ATP8A2: variants seen among roughly 807,000 people sequenced by gnomAD.
ATP8A2 encodes ATPase phospholipid transporting 8A2.
ATP8A2 carries 100 observed loss-of-function variants against 165.6 expected under a neutral mutation model. The observed-to-expected ratio is 0.60, with a 90% CI of 0.51 to 0.71. The LOEUF (loss-of-function observed/expected upper bound fraction) is 0.71, where lower values mean the gene tolerates loss of function less well. Among genes scored for constraint, ATP8A2 ranks in the 30% least tolerant of loss-of-function variants. The probability of loss-of-function intolerance (pLI) is 0.00; values close to 1 mark genes in which losing one functional copy is unlikely to be tolerated. For synonymous variants in ATP8A2, 543 were observed against 548.8 expected, an observed-to-expected ratio of 0.99 and a Z score of 0.15; for missense variants, 1,227 against 1,479.5, an observed-to-expected ratio of 0.83 and a Z score of 2.80.
At chr13:25,536,848 C>T (rs1347641704) in intron 6 of ATP8A2, among the ~76,000 whole-genome samples, 3 of 152,176 alleles carry the variant, frequency 2.0e-5, no homozygotes, top group East Asian at 1.9e-4. Flanking sequence ...TTTATATGGA[C>T]CTGTTTTATG....
chr13:25,542,242 A>G (rs1037260251), intron 9 of ATP8A2, among the ~76,000 whole-genome samples, 196 bp downstream of exon 9: 4 of 152,192 alleles, frequency 2.6e-5, no homozygotes, highest in African/African-American at 9.6e-5. Context: ...GGCTCAAAGC[A>G]TGTGGCATAT....
At chr13:25,907,690 A>G (rs1475756696) in intron 33 of ATP8A2, among the ~76,000 whole-genome samples, 2 of 151,972 alleles carry the variant, frequency 1.3e-5, no homozygotes, top group African/African-American at 4.8e-5. Flanking sequence ...CCTGTTGAAG[A>G]TTTTCTTTTT....
chr13:25,613,357 CG>C (rs1565980242), intron 24 of ATP8A2, among the ~76,000 whole-genome samples: 1 of 151,970 alleles, frequency 6.6e-6, no homozygotes, highest in Non-Finnish European at 1.5e-5. Flanking sequence ...CCAAGGCAGG[CG>C]GGGTCAAGAG....
rs370986249 is a variant in ATP8A2, at chr13:25,388,253, T to A, written c.76+15965T>A. Among the ~76,000 whole-genome samples the A allele has an allele frequency of 2.0e-5, 3 of 152,042 alleles. No homozygotes were observed. In the East Asian group the frequency reaches 5.8e-4, roughly 29 times the overall value. Reference sequence around the variant, plus strand: ...AAGTGAAAAGAAGAAAGCTGGCTCCTGGGGGAGAAGTCAAGGACACTTCAG... The same window carrying A: ...AAGTGAAAAGAAGAAAGCTGGCTCCAGGGGGAGAAGTCAAGGACACTTCAG... On this transcript the variant is annotated intron_variant, in intron 1 of 36. Transcript: ENST00000381655.
Position 25,730,263 on chromosome 13 carries a change from G to A in ATP8A2, c.2384+30918G>A, listed in dbSNP as rs950520160. 4.6e-5 allele frequency among the ~76,000 whole-genome samples: 7 copies of A among 152,234 alleles called. 1 individual carries two copies. In the South Asian group the frequency reaches 6.2e-4, roughly 14 times the overall value. ...GCCGTGATCATGCCACTGCACTCCC[G>A]CCTGAGTGACAGAGTGAGACCCTGT... On this transcript the variant is annotated intron_variant, in intron 25 of 36. Coordinates refer to ENST00000381655, the MANE Select transcript of ATP8A2 (RefSeq NM_016529.6).
intron 27 of ATP8A2, among the ~76,000 whole-genome samples, chr13:25,780,194 T>C (rs907312725): frequency 3.3e-4 from 51 of 152,316 alleles, no homozygotes; most frequent in African/African-American, 1.2e-3. Flanking sequence ...TAAACTTTGG[T>C]ATAACATAAG....
chr13:25,976,265 T>G (rs1956033977), intron 35 of ATP8A2, among the ~76,000 whole-genome samples: 1 of 152,122 alleles, frequency 6.6e-6, no homozygotes, highest in Admixed American at 6.5e-5. Flanking sequence ...GACTTATTCA[T>G]TATGCTCCAC....
rs150177138 is a variant in ATP8A2 at position 25,465,891 on chromosome 13, T to C, written c.77-3086T>C. The stretch of plus-strand genomic sequence containing the variant: ...CTTCCCAACTTGGCCTCCCAAAGTG[T>C]TGGGATTACAGGCATGAGCCACCAT... On this transcript the variant is annotated intron_variant, in intron 1 of 36. Coordinates refer to ENST00000381655, the MANE Select transcript of ATP8A2 (RefSeq NM_016529.6). Among the ~76,000 whole-genome samples, 948 of 151,020 alleles carry C rather than the reference T, an allele frequency of 6.3e-3. 11 individuals carry two copies. Among genetic ancestry groups the C allele is most frequent in the African/African-American group, 0.022 (899 of 41,136 alleles).
chr13:25,378,702 T>C (rs889382072), intron 1 of ATP8A2, among the ~76,000 whole-genome samples: 1 of 152,172 alleles, frequency 6.6e-6, no homozygotes, highest in African/African-American at 2.4e-5. Flanking sequence ...AAGCACCTCC[T>C]CCACATATTC....
rs201142677 is a variant in ATP8A2 at position 25,574,849 on chromosome 13, A to G, written c.1704A>G (p.Glu568=). 698 of 1,537,108 alleles carry G rather than the reference A, an allele frequency of 4.5e-4. 4 individuals carry two copies. In the African/African-American group the frequency reaches 8.6e-3, roughly 19 times the overall value. ...CATTCGGAATCCTTAATGTCCTGGA[A>G]TTTTCTAGGTATGTTTCTCTTTCAT... ...EQTFGILNVL[E]FSSDRKRMSV... The change falls in exon 19 of 37, where the codon GAA becomes GAG. Residue 568 remains glutamate (E), a synonymous_variant. Transcript: ENST00000381655.
chr13:25,551,873 C>A (rs557710190), intron 11 of ATP8A2, among the ~76,000 whole-genome samples: 1 of 151,970 alleles, frequency 6.6e-6, no homozygotes, highest in African/African-American at 2.4e-5. Flanking sequence ...CTGCTTGGTG[C>A]TGTCATTGTT....
At chr13:25,941,688 A>T (rs1955077118) in intron 33 of ATP8A2, among the ~76,000 whole-genome samples, 1 of 152,126 alleles carries the variant, frequency 6.6e-6, no homozygotes, top group Non-Finnish European at 1.5e-5. Flanking sequence ...AACTGTGGTG[A>T]CTTCATGCCT....
At chr13:25,489,337 AG>A (rs1236669875) in intron 2 of ATP8A2, among the ~76,000 whole-genome samples, 2 of 151,936 alleles carry the variant, frequency 1.3e-5, no homozygotes, top group Admixed American at 6.6e-5. Context: ...AATCTACTCA[AG>A]TTCGTCCTCC....
intron 24 of ATP8A2, among the ~76,000 whole-genome samples, chr13:25,599,799 T>G (rs942714442): frequency 3.9e-5 from 6 of 152,222 alleles, no homozygotes; most frequent in African/African-American, 1.4e-4. Context: ...CTTCAGTAGC[T>G]ATTTTGGTCC....
chr13:25,953,651 C>A lies in ATP8A2; in HGVS notation c.3184-7924C>A, dbSNP rs556691642. 1.2e-4 allele frequency among the ~76,000 whole-genome samples: 18 copies of A among 151,630 alleles called. No homozygotes were observed. Among genetic ancestry groups the A allele is most frequent in the Non-Finnish European group, 1.9e-4 (13 of 67,928 alleles). On this transcript the variant is annotated intron_variant, in intron 33 of 36. Transcript: ENST00000381655. The surrounding 1 kb of genome is among the most constrained non-coding windows in gnomAD (Gnocchi z 6.7). ...GATTTCTGCATTTCCAGCTGAGGAA[C>A]CTGGTTCATCTCACTGGGACTGGTT...
intron 1 of ATP8A2, among the ~76,000 whole-genome samples, chr13:25,407,282 T>C (rs558090193): frequency 6.6e-6 from 1 of 152,364 alleles, no homozygotes; most frequent in African/African-American, 2.4e-5. Context: ...ATCATTTGGC[T>C]TCTTTCCCAG....
At chr13:25,648,347 T>G (rs1268011083) in intron 24 of ATP8A2, among the ~76,000 whole-genome samples, 1 of 152,164 alleles carries the variant, frequency 6.6e-6, no homozygotes, top group Non-Finnish European at 1.5e-5. Flanking sequence ...TACCAAAATC[T>G]GCAGATGCTT....
intron 24 of ATP8A2, among the ~76,000 whole-genome samples, chr13:25,673,530 C>T (rs1420266705): frequency 6.6e-6 from 1 of 152,188 alleles, no homozygotes; most frequent in African/African-American, 2.4e-5. Context: ...GAAAATCATA[C>T]AGCTCTACTG....
chr13:25,711,063 G>A (rs998217237), intron 25 of ATP8A2, among the ~76,000 whole-genome samples: 15 of 152,054 alleles, frequency 9.9e-5, no homozygotes, highest in African/African-American at 3.6e-4. Context: ...GGAATGCTGT[G>A]GTGCGAACTC....
Sources: gnomAD v4.1 joint callset for allele counts (sites outside exome capture counted in the v4.1 genomes callset) on GRCh38, gnomAD v4.1.1 for gene constraint, Gnocchi (gnomAD v3.1) non-coding constraint, MANE v1.5 for transcripts, NCBI Gene and HGNC (gene_info 2026-07-23, HGNC 2026-07-21) for gene names.